The following ADGRL2 variants were observed in gnomAD, a reference collection of about 807,000 sequenced individuals.
ADGRL2 encodes adhesion G protein-coupled receptor L2.
Under a neutral mutation model 157.4 loss-of-function variants are expected in ADGRL2, and 44 were observed. The observed-to-expected ratio is 0.28, with a 90% CI of 0.22 to 0.36. ADGRL2 has a LOEUF of 0.36. ADGRL2 is among the 10% of genes least tolerant of loss of function. The pLI, the probability that ADGRL2 is intolerant of heterozygous loss-of-function variation, is 1.00. For missense variants in ADGRL2, 1,510 were observed against 1,768.9 expected (o/e 0.85, Z 2.63); for synonymous variants, 585 against 624.7 (o/e 0.94, Z 0.95).
chr1:81,674,638 G>A (rs986598660), intron 3 of ADGRL2, among the ~76,000 whole-genome samples: 1 of 152,188 alleles, frequency 6.6e-6, no homozygotes, highest in Admixed American at 6.5e-5. Flanking sequence ...TCCATAAGGA[G>A]GAGGAGAATG....
intron 23 of ADGRL2, 171 bp from the exon 24 acceptor site, chr1:81,990,220 G>A (rs1664318731): frequency 5.1e-6 from 5 of 985,262 alleles, no homozygotes; most frequent in Non-Finnish European, 6.0e-6. Flanking sequence ...GTTATCTAAG[G>A]GGTTGCAACT....
intron 1 of ADGRL2, among the ~76,000 whole-genome samples, chr1:81,743,749 C>T (rs1389752246): frequency 1.3e-5 from 2 of 152,020 alleles, no homozygotes; most frequent in African/African-American, 2.4e-5. Context: ...TTTCTATTGT[C>T]GTAACCACAT....
chr1:81,660,150 C>T (rs80319640), intron 3 of ADGRL2, among the ~76,000 whole-genome samples: 7,065 of 152,100 alleles, frequency 0.046, 175 homozygotes, highest in East Asian at 0.063. Flanking sequence ...TCTAAATATG[C>T]CCATTTAAAG....
rs965766979 is a variant in ADGRL2, at chr1:81,502,206, C to T, written c.-248+57117C>T. The T allele has an allele frequency of 3.9e-5, 62 of 1,599,576 alleles. No individual in the cohort carries two copies. The African/African-American group carries it at 7.0e-4, about 18-fold the overall frequency. ...GTGGCACCCATGTCCAATCTACTTC[C>T]AGCACCAGGGCTCCCACCACATGGA... On this transcript the variant is annotated intron_variant, in intron 2 of 24. Transcript: ENST00000370721.
At chr1:81,817,575 A>G (rs12141696) in intron 1 of ADGRL2, among the ~76,000 whole-genome samples, 11,160 of 152,134 alleles carry the variant, frequency 0.073, 512 homozygotes, top group South Asian at 0.16. Flanking sequence ...CTAATAATGT[A>G]TTTGGTTGTT....
At chr1:81,563,236 T>G (rs943780628) in intron 2 of ADGRL2, among the ~76,000 whole-genome samples, 7 of 152,202 alleles carry the variant, frequency 4.6e-5, no homozygotes, top group South Asian at 4.1e-4. Context: ...TGTAAGGCAT[T>G]ACACATCAGT....
intron 2 of ADGRL2, among the ~76,000 whole-genome samples, chr1:81,863,085 G>A (rs1450406497): frequency 6.6e-6 from 1 of 152,156 alleles, no homozygotes; most frequent in East Asian, 1.9e-4. Context: ...TTATGGGGGA[G>A]TCTAACAGTA....
chr1:81,450,896 C>T (rs2077691409), intron 2 of ADGRL2, among the ~76,000 whole-genome samples: 1 of 152,140 alleles, frequency 6.6e-6, no homozygotes, highest in Non-Finnish European at 1.5e-5. Flanking sequence ...ATCAATCTGA[C>T]TGTAAGTTAG....
intron 1 of ADGRL2, among the ~76,000 whole-genome samples, chr1:81,709,973 A>G (rs1479835828): frequency 6.6e-6 from 1 of 152,218 alleles, no homozygotes; most frequent in Non-Finnish European, 1.5e-5. Context: ...AACTTGATTT[A>G]ATTAGTTGAT....
At chr1:81,507,929 G>GA (rs5775623) in intron 2 of ADGRL2, among the ~76,000 whole-genome samples, 60,110 of 151,934 alleles carry the variant, frequency 0.4, 16,167 homozygotes, top group African/African-American at 0.76. Flanking sequence ...TTAAAGACAG[G>GA]AAAAAATAGT....
chr1:81,778,922 A>G lies in ADGRL2; in HGVS notation c.-101+17070A>G, dbSNP rs562282500. Among the ~76,000 whole-genome samples the G allele has an allele frequency of 2.6e-5, 4 of 152,294 alleles. No individual in the cohort carries two copies. The South Asian group carries it at 6.2e-4, about 24-fold the overall frequency. ...GGGCAACTTATTCAACCAAATAGTA[A>G]CATATGTTTTATAGGGCTGCTATGA... On this transcript the variant is annotated intron_variant, in intron 2 of 20. Coordinates refer to the ADGRL2 transcript ENST00000359929.
intron 22 of ADGRL2, chr1:81,987,473 T>C: frequency 1.3e-6 from 1 of 760,156 alleles, no homozygotes. Flanking sequence ...CCTATCAATA[T>C]ATCCAAACTA....
At chr1:81,964,940 T>C (rs946226348) in intron 11 of ADGRL2, among the ~76,000 whole-genome samples, 1 of 152,198 alleles carries the variant, frequency 6.6e-6, no homozygotes, top group African/African-American at 2.4e-5. Flanking sequence ...CAATGTACTT[T>C]TCCATTCCTT....
intron 2 of ADGRL2, among the ~76,000 whole-genome samples, chr1:81,891,845 TTTC>T (rs2094273939): frequency 6.6e-6 from 1 of 152,120 alleles, no homozygotes; most frequent in Middle Eastern, 3.2e-3. Flanking sequence ...TTACCCATAT[TTTC>T]TTGTTAGTAT....
At chr1:81,665,723 A>T (rs1382457518) in intron 3 of ADGRL2, among the ~76,000 whole-genome samples, 2 of 152,202 alleles carry the variant, frequency 1.3e-5, no homozygotes, top group African/African-American at 2.4e-5. Flanking sequence ...CAATGTAGGT[A>T]ACCCTCTACA....
intron 2 of ADGRL2, among the ~76,000 whole-genome samples, chr1:81,782,460 A>G (rs1183177883): frequency 6.6e-6 from 1 of 152,182 alleles, no homozygotes; most frequent in East Asian, 1.9e-4. Context: ...AATTAATTAT[A>G]AACTATTTCC....
chr1:81,804,675 A>C (rs1181021984), intron 1 of ADGRL2, among the ~76,000 whole-genome samples: 1 of 152,226 alleles, frequency 6.6e-6, no homozygotes, highest in Non-Finnish European at 1.5e-5. Flanking sequence ...CTAGAAAAAG[A>C]GTGACCTTTT....
chr1:81,487,777 TTGTATC>T (rs2078540631), intron 2 of ADGRL2, among the ~76,000 whole-genome samples: 1 of 152,198 alleles, frequency 6.6e-6, no homozygotes, highest in African/African-American at 2.4e-5. Context: ...TCCATGGAGT[TTGTATC>T]TGAATACTCA....
intron 1 of ADGRL2, among the ~76,000 whole-genome samples, chr1:81,388,488 A>G (rs1392092779): frequency 1.3e-5 from 2 of 152,116 alleles, no homozygotes; most frequent in Non-Finnish European, 1.5e-5. Context: ...CCAGATTACT[A>G]TGGTCTGAAT....
Sources: gnomAD v4.1 joint callset for allele counts (sites outside exome capture counted in the v4.1 genomes callset) on GRCh38, gnomAD v4.1.1 for gene constraint, MANE v1.5 for transcripts, NCBI Gene and HGNC (gene_info 2026-07-23, HGNC 2026-07-21) for gene names.